BBS1: variants seen among roughly 807,000 people sequenced by gnomAD.
BBS1 encodes BBSome complex member BBS1.
A neutral mutation model predicts 73.9 loss-of-function variants in BBS1; 60 were observed. The ratio of observed to expected loss-of-function variants is 0.81; its 90% CI spans 0.66 to 1.01. The LOEUF is 1.01. Ranked by LOEUF, BBS1 falls within the 50% of genes least tolerant of loss-of-function variation. The probability of loss-of-function intolerance (pLI) is 0.00; values close to 1 mark genes in which losing one functional copy is unlikely to be tolerated. For missense variants in BBS1, 718 were observed against 770.3 expected (o/e 0.93, Z 0.80); for synonymous variants, 283 against 317.4 (o/e 0.89, Z 1.15).
intron 13 of BBS1, chr11:66,529,171 G>A: frequency 8.0e-7 from 1 of 1,250,170 alleles, no homozygotes; most frequent in Non-Finnish European, 1.1e-6. Context: ...GCCCAGTCTG[G>A]AAGAGGAGGG....
intron 9 of BBS1, chr11:66,522,915 C>G (rs373432727): frequency 1.4e-5 from 5 of 346,810 alleles, no homozygotes; most frequent in Non-Finnish European, 2.2e-5. Context: ...TAAAAAGGAA[C>G]CAGTTGGTGA....
intron 3 of BBS1, 134 bp from the exon 4 acceptor site, chr11:66,514,270 GGC>G (rs1856004652): frequency 8.4e-7 from 1 of 1,195,144 alleles, no homozygotes; most frequent in African/African-American, 1.5e-5. Flanking sequence ...CCCAAGGTCA[GGC>G]AGCTTGAAAG....
chr11:66,518,406 C>A (rs1485362077), intron 7 of BBS1, among the ~76,000 whole-genome samples: 1 of 151,198 alleles, frequency 6.6e-6, no homozygotes, highest in Non-Finnish European at 1.5e-5. Context: ...TACAGGCACC[C>A]GCCATCATGC....
chr11:66,517,137 T>C (rs181451560), intron 7 of BBS1, among the ~76,000 whole-genome samples: 18 of 150,920 alleles, frequency 1.2e-4, no homozygotes, highest in African/African-American at 4.1e-4. Flanking sequence ...AGGCGGAGCT[T>C]GCAGTGAGCC....
chr11:66,523,204 C>G (rs575770354), intron 9 of BBS1: 1 of 616,892 alleles, frequency 1.6e-6, no homozygotes, highest in South Asian at 1.5e-5. Context: ...TGAAGGTGGG[C>G]GGAAGACAAG....
chr11:66,512,010 A>ATATATATGTGTATATATATG, intron 3 of BBS1, among the ~76,000 whole-genome samples: 1 of 143,226 alleles, frequency 7.0e-6, no homozygotes, highest in African/African-American at 2.7e-5. Flanking sequence ...AAAAATATAT[A>ATATATATGTGTATATATATG]TATATATATG....
chr11:66,518,841 T>C (rs1856115904), intron 7 of BBS1, among the ~76,000 whole-genome samples: 1 of 151,424 alleles, frequency 6.6e-6, no homozygotes, highest in Non-Finnish European at 1.5e-5. Context: ...CACTGGAGCA[T>C]TGAACTCCTG....
At chr11:66,512,312 A>G (rs1003004853) in intron 3 of BBS1, among the ~76,000 whole-genome samples, 4 of 152,092 alleles carry the variant, frequency 2.6e-5, no homozygotes, top group Non-Finnish European at 5.9e-5. Context: ...GTTTGATTCC[A>G]AGTTTTGTGC....
chr11:66,527,000 G>C, intron 13 of BBS1, 193 bp downstream of exon 13: 1 of 1,538,390 alleles, frequency 6.5e-7, no homozygotes, highest in Non-Finnish European at 8.7e-7. Flanking sequence ...CCTCAGGCTG[G>C]AAGGTGCTGT....
chr11:66,523,421 C>T, intron 9 of BBS1, 35 bp from the exon 10 acceptor site: 1 of 1,614,144 alleles, frequency 6.2e-7, no homozygotes, highest in Non-Finnish European at 8.5e-7. Context: ...GAGAGGATTT[C>T]TCTGGGGCCA....
chr11:66,515,427 C>T, intron 4 of BBS1, 113 bp from the exon 5 acceptor site: 1 of 1,139,570 alleles, frequency 8.8e-7, no homozygotes, highest in Non-Finnish European at 1.3e-6. Context: ...GGTAGGCTGG[C>T]AGGGAGGCAG....
At chr11:66,526,064 C>T (rs907020942) in intron 11 of BBS1, 59 bp from the exon 12 acceptor site, 3 of 1,531,280 alleles carry the variant, frequency 2.0e-6, no homozygotes, top group Non-Finnish European at 2.7e-6. Context: ...CTACCCATCC[C>T]CTGTCTTGCT....
In BBS1 at chr11:66,531,973, A is replaced by G; in HGVS notation, c.1718A>G (p.Gln573Arg). 23 of 1,603,660 alleles carry G rather than the reference A, an allele frequency of 1.4e-5. No homozygotes were observed. The highest frequency in any genetic ancestry group is 1.8e-5 in the Non-Finnish European group (21 of 1,175,640). The change falls in exon 17 of 17, where the codon CAA becomes CGA. Residue 573 changes from glutamine to arginine, a missense_variant. Coordinates refer to ENST00000318312, the MANE Select transcript of BBS1 (RefSeq NM_024649.5). ...TAGGTGCTGGTGCTTCGAGAAGGCC[A>G]AAGTGCACCCCTGCTGAGTGCCCAC... ...IIKVLVLREGQSAPLLSAHVN... is the reference protein window; with the variant it reads ...IIKVLVLREGRSAPLLSAHVN...
chr11:66,510,807 G>T (rs1855923967), intron 1 of BBS1, 101 bp downstream of exon 1: 1 of 1,538,002 alleles, frequency 6.5e-7, no homozygotes, highest in Non-Finnish European at 9.0e-7. Flanking sequence ...AGTCTGGAAG[G>T]ACTCTTAAGA....
At chr11:66,529,403 C>G (rs1453274267) in intron 13 of BBS1, 1 of 1,156,316 alleles carries the variant, frequency 8.6e-7, no homozygotes, top group East Asian at 2.6e-5. Flanking sequence ...GCTCACTAAG[C>G]TGCTGGAGAC....
At position 66,514,606 on chromosome 11, in the gene BBS1, C is replaced by A; in HGVS notation, c.360C>A (p.Pro120=). The A allele has an allele frequency of 6.2e-7, 1 of 1,613,924 alleles. No individual in the cohort carries two copies. Among genetic ancestry groups the A allele is most frequent in the Non-Finnish European group, 8.5e-7 (1 of 1,180,038 alleles). ...TCTATGTGTATAAGAATCTCAGACC[C>A]TACTTCAAGTTCAGCCTGCCCCAAT... ...PCVYVYKNLR[P]YFKFSLPQLP... Residue 120 remains proline (P), a synonymous_variant, in exon 4 of 17, where the codon CCC becomes CCA. Coordinates refer to ENST00000318312, the MANE Select transcript of BBS1 (RefSeq NM_024649.5).
chr11:66,515,921 C>T lies in BBS1; in HGVS notation c.579C>T (p.Ser193=), dbSNP rs747846164. 1 of 1,614,158 alleles carries T rather than the reference C, an allele frequency of 6.2e-7. No homozygotes were observed. The highest frequency in any genetic ancestry group is 1.3e-5 in the African/African-American group (1 of 75,040). Residue 193 remains serine (S), a synonymous_variant, in exon 7 of 17, where the codon TCC becomes TCT. Transcript: ENST00000318312. ...EAFVNQHKSN[S]IKRQTVITTM... ...TTGTAAACCAACACAAGTCCAACTC[C>T]ATCAAGCGGCAGGTAATACCCCCTT...
At chr11:66,526,395 T>A (rs2134811017) in intron 12 of BBS1, among the ~76,000 whole-genome samples, 1 of 152,286 alleles carries the variant, frequency 6.6e-6, no homozygotes, top group Admixed American at 6.5e-5. Flanking sequence ...ATCTTTCTAG[T>A]TCACCCAGCA....
Position 66,515,928 on chromosome 11 carries a change from C to G in BBS1, c.586C>G (p.Arg196Gly), listed in dbSNP as rs377159794. Reference protein sequence around the residue: ...VNQHKSNSIKRQTVITTMTTL... With the variant: ...VNQHKSNSIKGQTVITTMTTL... ...CCAACACAAGTCCAACTCCATCAAG[C>G]GGCAGGTAATACCCCCTTCTCTTTT... Residue 196 changes from arginine to glycine, a missense_variant, in exon 7 of 17, where the codon CGG becomes GGG. Coordinates refer to ENST00000318312, the MANE Select transcript of BBS1 (RefSeq NM_024649.5). The G allele has an allele frequency of 6.2e-7, 1 of 1,614,070 alleles. No homozygotes were observed. The highest frequency in any genetic ancestry group is 8.5e-7 in the Non-Finnish European group (1 of 1,179,982).
Sources: gnomAD v4.1 joint callset for allele counts (sites outside exome capture counted in the v4.1 genomes callset) on GRCh38, gnomAD v4.1.1 for gene constraint, MANE v1.5 for transcripts, NCBI Gene and HGNC (gene_info 2026-07-23, HGNC 2026-07-21) for gene names.